The following PTPRN2 variants were observed in gnomAD, a reference collection of about 807,000 sequenced individuals.
The protein encoded by PTPRN2 is receptor-type tyrosine-protein phosphatase N2.
Under a neutral mutation model 118.8 loss-of-function variants are expected in PTPRN2, and 74 were observed. The observed-to-expected ratio is 0.62, with a 90% confidence interval of 0.52 to 0.76. The LOEUF is 0.76. PTPRN2 is among the 30% of genes least tolerant of loss of function. The pLI is 0.00. For synonymous variants in PTPRN2, 641 were observed against 608.0 expected, an observed-to-expected ratio of 1.05 and a Z score of -0.80; for missense variants, 1,481 against 1,394.4, an observed-to-expected ratio of 1.06 and a Z score of -0.99.
At chr7:157,577,034 TA>T (rs1800093039) in intron 18 of PTPRN2, among the ~76,000 whole-genome samples, 2 of 152,172 alleles carry the variant, frequency 1.3e-5, no homozygotes, top group Admixed American at 6.5e-5. Context: ...AATAATTTTT[TA>T]AAAGGTTACA....
intron 11 of PTPRN2, among the ~76,000 whole-genome samples, chr7:158,047,001 A>G (rs1230826740): frequency 6.6e-6 from 1 of 152,212 alleles, no homozygotes. Flanking sequence ...AAGGGAGGCG[A>G]GCGGCTGCGA....
At chr7:157,638,402 A>C (rs905468316) in intron 14 of PTPRN2, among the ~76,000 whole-genome samples, 3 of 152,208 alleles carry the variant, frequency 2.0e-5, no homozygotes, top group African/African-American at 7.2e-5. Flanking sequence ...TACCTCCTCC[A>C]CCTTCCAGAC....
intron 12 of PTPRN2, among the ~76,000 whole-genome samples, chr7:157,742,499 TC>T (rs1800693625): frequency 6.6e-6 from 1 of 151,802 alleles, no homozygotes; most frequent in Admixed American, 6.6e-5. Flanking sequence ...TTTTTTTTTT[TC>T]CAGAAGTGGG....
At chr7:158,396,154 G>T (rs1348716870) in intron 2 of PTPRN2, among the ~76,000 whole-genome samples, 1 of 152,184 alleles carries the variant, frequency 6.6e-6, no homozygotes, top group South Asian at 2.1e-4. Flanking sequence ...CCAGTGCCAC[G>T]TGGGCTGAGG....
At chr7:158,434,670 A>T (rs141093131) in intron 2 of PTPRN2, among the ~76,000 whole-genome samples, 45 of 152,286 alleles carry the variant, frequency 3.0e-4, no homozygotes, top group African/African-American at 9.4e-4. Context: ...TGGGATTTAT[A>T]TCGACTATCT....
chr7:158,138,480 T>G lies in PTPRN2; in HGVS notation c.946A>C (p.Arg316=), dbSNP rs1819054577. Residue 316 remains arginine, a synonymous_variant, in exon 7 of 23, where the codon AGG becomes CGG. Coordinates refer to ENST00000389418, the MANE Select transcript of PTPRN2 (RefSeq NM_002847.5). ...AGGCCCCTCACCTCAGCCGGCTGCC[T>G]CTGCAGGTCCTTCAGGAGGGTATGA... ...RIHTLLKDLQ[R]QPAEVRGLSG... is the part of the protein sequence containing the mutation. 3 of 1,612,950 alleles carry G rather than the reference T, an allele frequency of 1.9e-6. No individual in the cohort carries two copies. In the East Asian group the frequency reaches 6.7e-5, roughly 36 times the overall value.
At chr7:158,159,596 C>G (rs182880670) in intron 6 of PTPRN2, among the ~76,000 whole-genome samples, 2 of 152,134 alleles carry the variant, frequency 1.3e-5, no homozygotes, top group African/African-American at 4.8e-5. Flanking sequence ...GGTTTTGTTT[C>G]CCGTTCAGTG....
intron 3 of PTPRN2, among the ~76,000 whole-genome samples, chr7:158,229,853 A>C (rs1282722297): frequency 2.0e-5 from 3 of 152,152 alleles, no homozygotes; most frequent in Admixed American, 2.0e-4. Flanking sequence ...AAAACTTCTC[A>C]AAACTTGAGA....
chr7:157,615,718 G>T lies in PTPRN2; in HGVS notation c.2344+5644C>A. ...GGTGCCGAGCTGAGAGGGAGGTGAC[G>T]CAGTGACTCAGGAACCACAAGCTCT... On this transcript the variant is annotated intron_variant, in intron 15 of 22. Coordinates refer to ENST00000389418, the MANE Select transcript of PTPRN2 (RefSeq NM_002847.5). This position sits in a 1 kb window ranked among gnomAD's most constrained non-coding sequence, Gnocchi z 4.3. The T allele has an allele frequency of 2.4e-6, 1 of 416,568 alleles. No homozygotes were observed. The highest frequency in any genetic ancestry group is 2.5e-5 in the Admixed American group (1 of 39,904). 25.8% of individuals were successfully genotyped at this position (416,568 alleles called of 1,614,324 possible). A position where few individuals can be genotyped will look rare whatever the true frequency, so the allele number is the denominator to read the frequency against.
At chr7:158,428,475 G>T (rs898706476) in intron 2 of PTPRN2, among the ~76,000 whole-genome samples, 2 of 152,208 alleles carry the variant, frequency 1.3e-5, no homozygotes, top group Non-Finnish European at 2.9e-5. Context: ...TGAGGAAACG[G>T]CTGCTGGCAT....
rs1216027480 is a variant in PTPRN2 at position 158,402,731 on chromosome 7, C to T, written c.164-85799G>A. Among the ~76,000 whole-genome samples, 4 of 152,272 alleles carry T rather than the reference C, an allele frequency of 2.6e-5. No homozygotes were observed. In the South Asian group the frequency reaches 6.2e-4, roughly 24 times the overall value. The stretch of plus-strand genomic sequence containing the variant: ...GTGCCTGCTCTCCGGACCCTGCGCC[C>T]GCCCTAGAGGGATCCAAGGGCCATG... On this transcript the variant is annotated intron_variant, in intron 2 of 22. Coordinates refer to ENST00000389418, the MANE Select transcript of PTPRN2 (RefSeq NM_002847.5).
At chr7:158,319,459 G>A (rs1258345421) in intron 2 of PTPRN2, among the ~76,000 whole-genome samples, 3 of 50,238 alleles carry the variant, frequency 6.0e-5, no homozygotes, top group South Asian at 7.7e-4. Flanking sequence ...CACGCACACA[G>A]CCTCCCTCAC....
intron 2 of PTPRN2, among the ~76,000 whole-genome samples, chr7:158,412,272 GCCC>G (rs1378652906): frequency 3.5e-4 from 36 of 103,156 alleles, no homozygotes; most frequent in South Asian, 8.3e-4. Context: ...CAGCACCAGG[GCCC>G]ATCTCAGCAC....
At chr7:158,053,033 T>C (rs1418593670) in intron 11 of PTPRN2, among the ~76,000 whole-genome samples, 2 of 152,172 alleles carry the variant, frequency 1.3e-5, no homozygotes. Flanking sequence ...CACCCTGGCG[T>C]CTGCTTCCCA....
chr7:158,389,477 C>T (rs944359749), intron 2 of PTPRN2, among the ~76,000 whole-genome samples: 1 of 152,216 alleles, frequency 6.6e-6, no homozygotes, highest in Non-Finnish European at 1.5e-5. Context: ...AACATCAACC[C>T]ACAGGCTTCC....
rs151154949 is a variant in PTPRN2 at position 158,145,323 on chromosome 7, C to T, written c.911-6808G>A. Among the ~76,000 whole-genome samples, 525 of 141,468 alleles carry T rather than the reference C, an allele frequency of 3.7e-3. 4 individuals carry two copies. Among genetic ancestry groups the T allele is most frequent in the African/African-American group, 0.012 (458 of 37,076 alleles). The allele number at this position is 141,468 out of a possible 152,430, so 92.8% of individuals were successfully genotyped here. A position where few individuals can be genotyped will look rare whatever the true frequency, so the allele number is the denominator to read the frequency against. On this transcript the variant is annotated intron_variant, in intron 6 of 22. Transcript: ENST00000389418. ...GCTTGGCAAGGTTTCCCTCACATCA[C>T]GGTGAGAAGGTTCCAGAATACCACG...
chr7:157,936,911 C>T (rs1799742363), intron 11 of PTPRN2, among the ~76,000 whole-genome samples: 1 of 152,248 alleles, frequency 6.6e-6, no homozygotes, highest in Non-Finnish European at 1.5e-5. Flanking sequence ...CATGGCCAGT[C>T]ATGGGAATTT....
At chr7:157,909,948 G>C (rs909041012) in intron 11 of PTPRN2, among the ~76,000 whole-genome samples, 1 of 152,194 alleles carries the variant, frequency 6.6e-6, no homozygotes, top group African/African-American at 2.4e-5. Context: ...CAGCGTTAAA[G>C]CATTACTATC....
In PTPRN2 at chr7:158,003,679, G is replaced by A. The variant is rs1805445790; in HGVS notation, c.1723+77619C>T. On this transcript the variant is annotated intron_variant, in intron 11 of 22. Coordinates refer to ENST00000389418, the MANE Select transcript of PTPRN2 (RefSeq NM_002847.5). The surrounding 1 kb of genome is among the most constrained non-coding windows in gnomAD (Gnocchi z 5.0). ...GGGCTTCACCGTGGCCACCCGAGCT[G>A]ACTGACAGGGGTGGGGAAGCACGCC... Among the ~76,000 whole-genome samples, 1 of 152,038 alleles carries A rather than the reference G, an allele frequency of 6.6e-6. No individual in the cohort carries two copies. The highest frequency in any genetic ancestry group is 1.5e-5 in the Non-Finnish European group (1 of 68,010).
Sources: gnomAD v4.1 joint callset for allele counts (sites outside exome capture counted in the v4.1 genomes callset) on GRCh38, gnomAD v4.1.1 for gene constraint, Gnocchi (gnomAD v3.1) non-coding constraint, MANE v1.5 for transcripts, NCBI Gene and HGNC (gene_info 2026-07-23, HGNC 2026-07-21) for gene names.